The following RBFOX1 variants were observed in gnomAD, a reference collection of about 807,000 sequenced individuals.
RBFOX1 encodes the protein RNA binding fox-1 homolog 1, also known as RNA binding protein fox-1 homolog 1.
In RBFOX1, 8 loss-of-function variants were observed where a neutral mutation model predicts 57.7. The observed-to-expected ratio is 0.14, with a 90% CI of 0.08 to 0.25. The LOEUF (loss-of-function observed/expected upper bound fraction) is 0.25. Among genes scored for constraint, RBFOX1 ranks in the 10% least tolerant of loss-of-function variants. The pLI, the probability that RBFOX1 is intolerant of heterozygous loss-of-function variation, is 1.00. For missense variants in RBFOX1, 611 were observed against 548.5 expected (o/e 1.11, Z -1.14); for synonymous variants, 326 against 222.4 (o/e 1.47, Z -4.15).
chr16:6,731,991 G>T (rs111831157), intron 3 of RBFOX1, among the ~76,000 whole-genome samples: 2 of 152,150 alleles, frequency 1.3e-5, no homozygotes, highest in Non-Finnish European at 2.9e-5. Flanking sequence ...AATCAAAAGG[G>T]AAGATTTTTT....
chr16:7,395,968 T>C (rs1325464282), intron 4 of RBFOX1, among the ~76,000 whole-genome samples: 1 of 152,106 alleles, frequency 6.6e-6, no homozygotes, highest in Admixed American at 6.6e-5. Context: ...TAATTATGTG[T>C]TGGGAGCATC....
rs1415501311 is a variant in RBFOX1, at chr16:6,617,770, CAGT to C, written c.-63-36830_-63-36828del. On this transcript the variant is annotated intron_variant, in intron 2 of 15. Transcript: ENST00000550418. The stretch of plus-strand genomic sequence containing the variant: ...TTCAGCCAGAGGAAATATGGCAAGA[CAGT>C]AGACAGTGGGGGATAAAGTACAGCA... Among the ~76,000 whole-genome samples, 9 of 152,220 alleles carry C rather than the reference CAGT, an allele frequency of 5.9e-5. No individual in the cohort carries two copies. The East Asian group carries it at 1.7e-3, about 30-fold the overall frequency.
At chr16:7,457,330 C>T (rs1482575056) in intron 4 of RBFOX1, among the ~76,000 whole-genome samples, 2 of 152,180 alleles carry the variant, frequency 1.3e-5, no homozygotes, top group Admixed American at 6.5e-5. Context: ...GCTGGGCCTC[C>T]TGACATTGGT....
chr16:7,563,646 T>G (rs2090973760), intron 5 of RBFOX1, among the ~76,000 whole-genome samples: 1 of 152,048 alleles, frequency 6.6e-6, no homozygotes, highest in South Asian at 2.1e-4. Flanking sequence ...TTTTTGTACT[T>G]TTAGTAGAGA....
At chr16:5,650,157 C>G (rs1567346508) in intron 3 of RBFOX1, among the ~76,000 whole-genome samples, 1 of 152,204 alleles carries the variant, frequency 6.6e-6, no homozygotes, top group Non-Finnish European at 1.5e-5. Flanking sequence ...CCAGCCCCCA[C>G]CCCCAACTCC....
chr16:6,270,532 G>T (rs747569311), intron 1 of RBFOX1, among the ~76,000 whole-genome samples: 5 of 148,568 alleles, frequency 3.4e-5, no homozygotes, highest in Non-Finnish European at 7.4e-5. Flanking sequence ...AGTCCAACAA[G>T]AATAGCATTC....
At chr16:6,604,536 G>C (rs778053280) in intron 2 of RBFOX1, among the ~76,000 whole-genome samples, 1 of 152,164 alleles carries the variant, frequency 6.6e-6, no homozygotes, top group Non-Finnish European at 1.5e-5. Context: ...CTCTGGAGTT[G>C]CTTCAAATAC....
chr16:6,764,538 A>C (rs2154201307), intron 3 of RBFOX1, among the ~76,000 whole-genome samples: 1 of 152,366 alleles, frequency 6.6e-6, no homozygotes, highest in South Asian at 2.1e-4. Context: ...GAGCAACAAC[A>C]GGAAATAAGG....
chr16:6,988,276 C>T (rs1339094216), intron 3 of RBFOX1, among the ~76,000 whole-genome samples: 1 of 152,138 alleles, frequency 6.6e-6, no homozygotes, highest in Admixed American at 6.5e-5. Flanking sequence ...CAGCAAAGCC[C>T]TATAGACCTT....
At chr16:5,614,352 T>C (rs2047939956) in intron 3 of RBFOX1, among the ~76,000 whole-genome samples, 1 of 152,220 alleles carries the variant, frequency 6.6e-6, no homozygotes, top group South Asian at 2.1e-4. Flanking sequence ...GAATCTTCAA[T>C]GCAACTTTCA....
At chr16:6,404,194 C>G (rs1285105431) in intron 2 of RBFOX1, among the ~76,000 whole-genome samples, 1 of 152,104 alleles carries the variant, frequency 6.6e-6, no homozygotes, top group Non-Finnish European at 1.5e-5. Flanking sequence ...ATTCACTAAA[C>G]AATACAGTAT....
chr16:6,845,730 C>T (rs140872914), intron 3 of RBFOX1, among the ~76,000 whole-genome samples: 11 of 152,272 alleles, frequency 7.2e-5, no homozygotes, highest in Non-Finnish European at 1.3e-4. Context: ...ACCCATGTAC[C>T]TCCTTCCTGA....
At chr16:6,368,460 C>T (rs1048437109) in intron 2 of RBFOX1, among the ~76,000 whole-genome samples, 2 of 152,196 alleles carry the variant, frequency 1.3e-5, no homozygotes, top group African/African-American at 4.8e-5. Flanking sequence ...ACGGATCGTG[C>T]TGGTTCCTAA....
chr16:7,329,755 A>C (rs2096659905), intron 4 of RBFOX1, among the ~76,000 whole-genome samples: 1 of 152,204 alleles, frequency 6.6e-6, no homozygotes, highest in Admixed American at 6.5e-5. Flanking sequence ...AAGATAAGGA[A>C]GATATTTGTA....
chr16:6,842,162 AT>A (rs368354911), intron 3 of RBFOX1, among the ~76,000 whole-genome samples: 15 of 104,750 alleles, frequency 1.4e-4, no homozygotes, highest in South Asian at 4.9e-4. Context: ...TAAAAAATAA[AT>A]AAATAAATAA....
intron 3 of RBFOX1, among the ~76,000 whole-genome samples, chr16:6,779,377 A>G (rs1296049828): frequency 6.6e-6 from 1 of 151,916 alleles, no homozygotes; most frequent in East Asian, 1.9e-4. Flanking sequence ...ATAATATTCC[A>G]TTGTATGTAT....
chr16:5,858,497 G>C (rs1166321109), intron 3 of RBFOX1, among the ~76,000 whole-genome samples: 1 of 152,086 alleles, frequency 6.6e-6, no homozygotes, highest in Non-Finnish European at 1.5e-5. Context: ...TCCCTCCCCT[G>C]TGACTTTTTC....
chr16:7,069,157 A>G (rs991868322), intron 4 of RBFOX1, among the ~76,000 whole-genome samples: 1 of 72,498 alleles, frequency 1.4e-5, no homozygotes, highest in African/African-American at 3.8e-5. Context: ...ACACCTATGA[A>G]CCTATATATT....
intron 3 of RBFOX1, among the ~76,000 whole-genome samples, chr16:6,817,630 C>G (rs954254518): frequency 4.0e-5 from 6 of 151,322 alleles, no homozygotes; most frequent in African/African-American, 1.5e-4. Context: ...CACTTGAACC[C>G]AGGAGGAGGT....
Sources: allele counts gnomAD v4.1 joint callset (sites outside exome capture counted in the v4.1 genomes callset), GRCh38; gene constraint gnomAD v4.1.1; transcripts MANE v1.5; gene names NCBI Gene and HGNC (gene_info 2026-07-23, HGNC 2026-07-21).